Variants in GRID1 observed in about 807,000 individuals in gnomAD.
The protein encoded by GRID1 is glutamate ionotropic receptor delta type subunit 1.
In GRID1, 28 loss-of-function variants were observed where a neutral mutation model predicts 98.0. The observed-to-expected ratio is 0.29, with a 90% confidence interval of 0.21 to 0.39. The LOEUF is 0.39. GRID1 is among the 10% of genes least tolerant of loss of function. The probability of loss-of-function intolerance (pLI) is 1.00; values close to 1 mark genes in which losing one functional copy is unlikely to be tolerated. For synonymous variants in GRID1, 553 were observed against 538.5 expected, an observed-to-expected ratio of 1.03 and a Z score of -0.37; for missense variants, 1,111 against 1,340.5, an observed-to-expected ratio of 0.83 and a Z score of 2.67.
chr10:86,302,976 T>C (rs1226104792), intron 2 of GRID1, among the ~76,000 whole-genome samples: 2 of 152,244 alleles, frequency 1.3e-5, no homozygotes, highest in African/African-American at 2.4e-5. Flanking sequence ...AAGAGATTTA[T>C]GTGAAATAAT....
chr10:86,081,594 A>T (rs1360639830), intron 4 of GRID1, among the ~76,000 whole-genome samples: 1 of 152,346 alleles, frequency 6.6e-6, no homozygotes, highest in East Asian at 1.9e-4. Context: ...TTTGTCCACA[A>T]TTGCCAAAAT....
intron 4 of GRID1, among the ~76,000 whole-genome samples, chr10:86,129,582 C>T (rs1844804429): frequency 6.6e-6 from 1 of 152,182 alleles, no homozygotes; most frequent in South Asian, 2.1e-4. Context: ...CTGTCTTCAT[C>T]CCTCCCTCTG....
chr10:86,124,325 C>A (rs1325203805), intron 4 of GRID1, among the ~76,000 whole-genome samples: 2 of 152,184 alleles, frequency 1.3e-5, no homozygotes, highest in Non-Finnish European at 2.9e-5. Context: ...CCTGCCACCA[C>A]TCTCCCCCTG....
At chr10:86,217,163 C>T (rs1050411600) in intron 2 of GRID1, among the ~76,000 whole-genome samples, 1 of 152,138 alleles carries the variant, frequency 6.6e-6, no homozygotes, top group Non-Finnish European at 1.5e-5. Context: ...ACAGCATTGC[C>T]TAAAATCACA....
intron 12 of GRID1, among the ~76,000 whole-genome samples, chr10:85,695,633 A>T (rs1841384724): frequency 6.6e-6 from 1 of 152,190 alleles, no homozygotes; most frequent in Admixed American, 6.5e-5. Context: ...AAATCAAAAG[A>T]TGTGGAATAT....
intron 5 of GRID1, among the ~76,000 whole-genome samples, chr10:85,890,590 A>C (rs761875579): frequency 7.2e-5 from 11 of 152,130 alleles, no homozygotes; most frequent in Admixed American, 2.6e-4. Context: ...CCAAAACCAA[A>C]AGGAAATTGT....
chr10:85,608,013 T>C (rs1271247806), intron 15 of GRID1, among the ~76,000 whole-genome samples: 1 of 152,020 alleles, frequency 6.6e-6, no homozygotes, highest in Admixed American at 6.5e-5. Flanking sequence ...GACTGGGGTC[T>C]AGCTTTTTTT....
intron 12 of GRID1, among the ~76,000 whole-genome samples, chr10:85,704,572 T>G (rs1021804114): frequency 6.6e-6 from 1 of 152,000 alleles, no homozygotes; most frequent in Non-Finnish European, 1.5e-5. Context: ...AGACAGAAAG[T>G]TAACAAGGAT....
At chr10:85,665,321 AC>A (rs1841007160) in intron 12 of GRID1, among the ~76,000 whole-genome samples, 1 of 152,164 alleles carries the variant, frequency 6.6e-6, no homozygotes, top group Non-Finnish European at 1.5e-5. Context: ...CTAAAGAGCT[AC>A]CCTGGTCCAC....
chr10:85,902,237 A>G (rs371535158), intron 5 of GRID1, among the ~76,000 whole-genome samples: 2 of 152,220 alleles, frequency 1.3e-5, no homozygotes, highest in Admixed American at 6.5e-5. Context: ...ATAACCTAGT[A>G]GTAGGTGACT....
chr10:86,359,246 G>A (rs911690660), intron 2 of GRID1, among the ~76,000 whole-genome samples: 1 of 152,204 alleles, frequency 6.6e-6, no homozygotes, highest in Non-Finnish European at 1.5e-5. Flanking sequence ...GATGGTGTCT[G>A]GTGAGGCTGC....
chr10:85,706,465 T>C (rs1163730618), intron 12 of GRID1, among the ~76,000 whole-genome samples: 1 of 152,044 alleles, frequency 6.6e-6, no homozygotes, highest in Non-Finnish European at 1.5e-5. Flanking sequence ...TAAAAGAGGA[T>C]ACAAACAAAT....
chr10:86,359,934 T>A (rs998204925), intron 2 of GRID1, among the ~76,000 whole-genome samples: 52 of 152,258 alleles, frequency 3.4e-4, no homozygotes, highest in African/African-American at 1.2e-3. Flanking sequence ...AAATGTCCTT[T>A]CTGTGTTATT....
chr10:85,980,976 C>G (rs867768739), intron 4 of GRID1, among the ~76,000 whole-genome samples: 33 of 152,214 alleles, frequency 2.2e-4, no homozygotes, highest in Admixed American at 1.3e-4. Flanking sequence ...CAGGAAGTGA[C>G]AGCTATCTCT....
At chr10:86,309,426 G>T (rs916593559) in intron 2 of GRID1, among the ~76,000 whole-genome samples, 1 of 152,208 alleles carries the variant, frequency 6.6e-6, no homozygotes, top group African/African-American at 2.4e-5. Context: ...GGAGTTAAAT[G>T]GTGGGCCAAG....
chr10:85,700,367 T>G (rs763235337), intron 12 of GRID1, among the ~76,000 whole-genome samples: 9 of 152,206 alleles, frequency 5.9e-5, no homozygotes, highest in Non-Finnish European at 1.2e-4. Context: ...GTGTCTATGC[T>G]CATGACAACT....
At chr10:86,086,248 CTCCT>C (rs1481132814) in intron 4 of GRID1, among the ~76,000 whole-genome samples, 1 of 152,194 alleles carries the variant, frequency 6.6e-6, no homozygotes, top group Non-Finnish European at 1.5e-5. Flanking sequence ...ACTGTCTCTC[CTCCT>C]TCTACTTTGT....
intron 8 of GRID1, among the ~76,000 whole-genome samples, chr10:85,737,328 G>C (rs1368405710): frequency 6.6e-6 from 1 of 152,120 alleles, no homozygotes; most frequent in East Asian, 1.9e-4. Flanking sequence ...CTTTAGCAAG[G>C]ATGGGGAAAA....
intron 4 of GRID1, among the ~76,000 whole-genome samples, chr10:86,115,558 C>T (rs966201009): frequency 4.6e-5 from 7 of 152,184 alleles, no homozygotes; most frequent in Non-Finnish European, 1.0e-4. Flanking sequence ...TCTCATTACC[C>T]CCATTTTTCA....
Sources: gnomAD v4.1 joint callset for allele counts (sites outside exome capture counted in the v4.1 genomes callset) on GRCh38, gnomAD v4.1.1 for gene constraint, MANE v1.5 for transcripts, NCBI Gene and HGNC (gene_info 2026-07-23, HGNC 2026-07-21) for gene names.